NELL1: variants seen among roughly 807,000 people sequenced by gnomAD.
The protein encoded by NELL1 is neural EGFL like 1, also known as protein kinase C-binding protein NELL1.
Under a neutral mutation model 107.4 loss-of-function variants are expected in NELL1, and 76 were observed. The ratio of observed to expected loss-of-function variants is 0.71; its 90% CI spans 0.59 to 0.86. The LOEUF is 0.86. Among genes scored for constraint, NELL1 ranks in the 40% least tolerant of loss-of-function variants. The pLI is 0.00. For synonymous variants in NELL1, 353 were observed against 341.2 expected, an observed-to-expected ratio of 1.03 and a Z score of -0.38; for missense variants, 1,024 against 1,005.5, an observed-to-expected ratio of 1.02 and a Z score of -0.25.
chr11:21,258,691 CACG>C (rs1858831330), intron 14 of NELL1, among the ~76,000 whole-genome samples: 1 of 151,942 alleles, frequency 6.6e-6, no homozygotes, highest in East Asian at 1.9e-4. Flanking sequence ...ATCAAAAAAA[CACG>C]CTCACAGAAA....
At chr11:20,714,194 ATTTTTTTTTT>A (rs34441596) in intron 2 of NELL1, among the ~76,000 whole-genome samples, 1,194 of 61,796 alleles carry the variant, frequency 0.019, 22 homozygotes, top group African/African-American at 0.072. Flanking sequence ...TATCTCCCCG[ATTTTTTTTTT>A]TTTTTTTTTT....
chr11:20,861,959 T>C (rs16906919), intron 4 of NELL1, among the ~76,000 whole-genome samples: 1 of 152,344 alleles, frequency 6.6e-6, no homozygotes, highest in East Asian at 1.9e-4. Context: ...ACACTCCTGG[T>C]TGCTAATAAC....
chr11:21,441,332 TGTGTGTGTGTGTG>T (rs1590934434), intron 15 of NELL1, among the ~76,000 whole-genome samples: 1,650 of 104,188 alleles, frequency 0.016, 41 homozygotes, highest in African/African-American at 0.039. Flanking sequence ...GGCTGTGACG[TGTGTGTGTGTGTG>T]TGTGTGTGTG....
At chr11:21,517,517 T>C (rs1489770701) in intron 15 of NELL1, among the ~76,000 whole-genome samples, 2 of 152,154 alleles carry the variant, frequency 1.3e-5, no homozygotes, top group Non-Finnish European at 2.9e-5. Context: ...CTCATTTAGA[T>C]TGCTTGCCTG....
intron 12 of NELL1, among the ~76,000 whole-genome samples, chr11:21,091,858 G>A (rs936848780): frequency 2.0e-5 from 3 of 152,182 alleles, no homozygotes; most frequent in African/African-American, 7.2e-5. Context: ...AACTGAGAAG[G>A]GATGGTGATT....
At chr11:21,324,458 T>G (rs1850083449) in intron 14 of NELL1, among the ~76,000 whole-genome samples, 2 of 152,098 alleles carry the variant, frequency 1.3e-5, no homozygotes, top group Non-Finnish European at 2.9e-5. Context: ...ATTTTACATT[T>G]TCTTCTAATA....
chr11:21,079,942 G>T (rs2133667204), intron 12 of NELL1, among the ~76,000 whole-genome samples: 1 of 152,116 alleles, frequency 6.6e-6, no homozygotes, highest in African/African-American at 2.4e-5. Flanking sequence ...GTGATTTCTG[G>T]ATGAGGAGGG....
At chr11:20,840,435 A>G (rs1366306164) in intron 3 of NELL1, among the ~76,000 whole-genome samples, 5 of 152,150 alleles carry the variant, frequency 3.3e-5, no homozygotes, top group Admixed American at 6.5e-5. Context: ...CTATTCTACC[A>G]CTTTTGTGGC....
At chr11:21,111,082 C>CCTGTTTCACTT (rs1855096355) in intron 12 of NELL1, among the ~76,000 whole-genome samples, 1 of 152,118 alleles carries the variant, frequency 6.6e-6, no homozygotes, top group Non-Finnish European at 1.5e-5. Flanking sequence ...CTTCCCTTGG[C>CCTGTTTCACTT]CTGTTTCACT....
chr11:21,118,532 G>A (rs1451184907), intron 13 of NELL1, among the ~76,000 whole-genome samples: 1 of 152,024 alleles, frequency 6.6e-6, no homozygotes, highest in Non-Finnish European at 1.5e-5. Context: ...GTGGTCATTT[G>A]CCTGTGTAAT....
At chr11:21,188,370 C>T (rs1026574706) in intron 13 of NELL1, among the ~76,000 whole-genome samples, 2 of 151,708 alleles carry the variant, frequency 1.3e-5, no homozygotes, top group African/African-American at 2.4e-5. Flanking sequence ...CACCCCAGCC[C>T]TTTATCCACA....
chr11:21,126,434 T>G (rs1389377800), intron 13 of NELL1, among the ~76,000 whole-genome samples: 1 of 152,068 alleles, frequency 6.6e-6, no homozygotes, highest in Non-Finnish European at 1.5e-5. Flanking sequence ...AAGAAAGAAA[T>G]AGCTTGGGCT....
intron 12 of NELL1, among the ~76,000 whole-genome samples, chr11:20,978,665 A>G (rs761554097): frequency 5.9e-5 from 9 of 152,154 alleles, no homozygotes; most frequent in Admixed American, 6.5e-5. Flanking sequence ...TTTCTCCCCT[A>G]TGGAGAACTT....
chr11:21,491,050 C>T (rs553057148), intron 15 of NELL1, among the ~76,000 whole-genome samples: 9 of 152,164 alleles, frequency 5.9e-5, no homozygotes, highest in South Asian at 4.1e-4. Context: ...AACTGTCTAT[C>T]CAAGGGACTA....
chr11:20,860,412 G>T (rs1034463613), intron 4 of NELL1, among the ~76,000 whole-genome samples: 1 of 152,120 alleles, frequency 6.6e-6, no homozygotes, highest in Non-Finnish European at 1.5e-5. Flanking sequence ...TTCTCTAGGG[G>T]TCTGGATTCC....
intron 2 of NELL1, among the ~76,000 whole-genome samples, chr11:20,737,775 A>G (rs76565495): frequency 0.054 from 8,137 of 151,942 alleles, 707 homozygotes; most frequent in African/African-American, 0.19. Context: ...TTATTTCCAA[A>G]GAATATTCTA....
At position 21,457,796 on chromosome 11, in the gene NELL1, C is replaced by T. The variant is rs1427288925; in HGVS notation, c.1646-76578C>T. On this transcript the variant is annotated intron_variant, in intron 15 of 19. Coordinates refer to ENST00000357134, the MANE Select transcript of NELL1 (RefSeq NM_006157.5). ...GAATAAAAGATGGAATACTAAGTAG[C>T]CTTGGGGAAAAAATAAAGAAGACTG... Among the ~76,000 whole-genome samples, 6 of 151,896 alleles carry T rather than the reference C, an allele frequency of 4.0e-5. 1 individual carries two copies. Among genetic ancestry groups the T allele is most frequent in the Non-Finnish European group, 7.4e-5 (5 of 67,952 alleles).
intron 12 of NELL1, among the ~76,000 whole-genome samples, chr11:21,071,970 G>T (rs564353573): frequency 6.6e-6 from 1 of 152,046 alleles, no homozygotes; most frequent in East Asian, 1.9e-4. Flanking sequence ...TCATTATGCT[G>T]CCCAATTTGG....
chr11:21,145,724 T>C (rs1855964158), intron 13 of NELL1, among the ~76,000 whole-genome samples: 1 of 152,304 alleles, frequency 6.6e-6, no homozygotes, highest in Non-Finnish European at 1.5e-5. Flanking sequence ...TTAACCTTTA[T>C]AGTGAAACCT....
Sources: gnomAD v4.1 joint callset for allele counts (sites outside exome capture counted in the v4.1 genomes callset) on GRCh38, gnomAD v4.1.1 for gene constraint, MANE v1.5 for transcripts, NCBI Gene and HGNC (gene_info 2026-07-23, HGNC 2026-07-21) for gene names.